Variants in GOLM2 observed in about 807,000 individuals in gnomAD.
The protein encoded by GOLM2 is golgi membrane protein 2.
GOLM2 carries 26 observed loss-of-function variants against 55.9 expected under a neutral mutation model. The ratio of observed to expected loss-of-function variants is 0.47; its 90% confidence interval spans 0.34 to 0.65. The LOEUF is 0.65. GOLM2 is among the 30% of genes least tolerant of loss of function. The probability of loss-of-function intolerance (pLI) is 0.01; values close to 1 mark genes in which losing one functional copy is unlikely to be tolerated. For synonymous variants in GOLM2, 165 were observed against 194.6 expected, an observed-to-expected ratio of 0.85 and a Z score of 1.27; for missense variants, 486 against 531.8, an observed-to-expected ratio of 0.91 and a Z score of 0.85.
At chr15:44,307,813 A>G (rs1394859435) in intron 1 of GOLM2, 3 of 152,208 alleles carry the variant, frequency 2.0e-5, no homozygotes, top group African/African-American at 7.2e-5. Context: ...GAGCGAAATA[A>G]TTCACTGAAA....
chr15:44,361,619 A>T (rs1006040901), intron 6 of GOLM2, among the ~76,000 whole-genome samples: 1 of 152,148 alleles, frequency 6.6e-6, no homozygotes, highest in Admixed American at 6.5e-5. Flanking sequence ...CCAGAGGTAC[A>T]AGGAGGAACT....
In GOLM2 at chr15:44,289,779, C is replaced by T. The variant is rs897815878; in HGVS notation, c.327+423C>T. 6.6e-6 allele frequency among the ~76,000 whole-genome samples: 1 copy of T among 152,188 alleles called. No homozygotes were observed. The highest frequency in any genetic ancestry group is 1.5e-5 in the Non-Finnish European group (1 of 68,032). The stretch of plus-strand genomic sequence containing the variant: ...TTTCGTTATTTAAAGAACGAAGCCG[C>T]CTCTGACTCCTCTACTTATGGTAGT... On this transcript the variant is annotated intron_variant, in intron 1 of 9. Transcript: ENST00000299957. This position sits in a 1 kb window ranked among gnomAD's most constrained non-coding sequence, Gnocchi z 4.8.
At chr15:44,316,239 G>A (rs1255682651) in intron 1 of GOLM2, among the ~76,000 whole-genome samples, 1 of 152,156 alleles carries the variant, frequency 6.6e-6, no homozygotes, top group Non-Finnish European at 1.5e-5. Flanking sequence ...AATTAAAACT[G>A]TGAGGAGAGA....
intron 9 of GOLM2, among the ~76,000 whole-genome samples, chr15:44,408,760 C>T (rs932759836): frequency 6.6e-6 from 1 of 152,078 alleles, no homozygotes; most frequent in Non-Finnish European, 1.5e-5. Context: ...GGGCAGATCA[C>T]ACCCTCCTGG....
Position 44,363,060 on chromosome 15 carries a change from T to G in GOLM2, c.803-16630T>G, listed in dbSNP as rs866578871. Among the ~76,000 whole-genome samples, 677 of 152,286 alleles carry G rather than the reference T, an allele frequency of 4.4e-3. 4 individuals carry two copies. Among genetic ancestry groups the G allele is most frequent in the African/African-American group, 0.016 (646 of 41,562 alleles). ...AATCAATTCAAGATGGATTAAAGAC[T>G]TAAACGTTAGACCTAAAACCATAAA... On this transcript the variant is annotated intron_variant, in intron 6 of 9. Transcript: ENST00000299957.
intron 6 of GOLM2, among the ~76,000 whole-genome samples, chr15:44,371,351 T>C (rs1032625906): frequency 1.3e-5 from 2 of 152,214 alleles, no homozygotes; most frequent in Non-Finnish European, 2.9e-5. Flanking sequence ...AGTATGTCAT[T>C]GCTAGCAGTG....
intron 6 of GOLM2, among the ~76,000 whole-genome samples, chr15:44,349,224 A>T (rs1346484419): frequency 6.6e-6 from 1 of 150,888 alleles, no homozygotes; most frequent in Non-Finnish European, 1.5e-5. Context: ...GCGCCATTGC[A>T]CTACAGCCTG....
chr15:44,380,044 C>CT (rs746071350), intron 7 of GOLM2, among the ~76,000 whole-genome samples: 37 of 152,132 alleles, frequency 2.4e-4, no homozygotes, highest in Non-Finnish European at 4.7e-4. Context: ...ATTCCCTTTC[C>CT]TCTCTGCCTG....
intron 8 of GOLM2, among the ~76,000 whole-genome samples, chr15:44,382,668 T>A (rs980082820): frequency 1.3e-5 from 2 of 152,164 alleles, no homozygotes; most frequent in South Asian, 2.1e-4. Context: ...TACATTTTTT[T>A]AATTGTTGCC....
At chr15:44,324,697 G>GT (rs1190369603) in intron 2 of GOLM2, among the ~76,000 whole-genome samples, 1 of 151,516 alleles carries the variant, frequency 6.6e-6, no homozygotes, top group Non-Finnish European at 1.5e-5. Context: ...AGCTTACCTT[G>GT]TTTTTATGCC....
chr15:44,371,810 C>T (rs2079331062), intron 6 of GOLM2, among the ~76,000 whole-genome samples: 1 of 152,108 alleles, frequency 6.6e-6, no homozygotes, highest in Non-Finnish European at 1.5e-5. Flanking sequence ...ATTAGTTTTA[C>T]ATGTAAATTG....
intron 6 of GOLM2, among the ~76,000 whole-genome samples, chr15:44,367,789 CAA>C (rs751290157): frequency 3.1e-4 from 37 of 120,340 alleles, no homozygotes; most frequent in Admixed American, 3.6e-4. Context: ...GACTCTGTCT[CAA>C]AAAAAAAAAA....
intron 8 of GOLM2, among the ~76,000 whole-genome samples, chr15:44,395,818 G>A (rs953512392): frequency 1.1e-4 from 16 of 151,390 alleles, no homozygotes; most frequent in Non-Finnish European, 4.4e-5. Context: ...CCAGCCTGGC[G>A]ATAGAACAAG....
intron 6 of GOLM2, among the ~76,000 whole-genome samples, chr15:44,362,954 A>G (rs2079252625): frequency 6.6e-6 from 1 of 152,216 alleles, no homozygotes; most frequent in Admixed American, 6.5e-5. Context: ...AGGATTCCCT[A>G]TTTAATAAAT....
In GOLM2 at chr15:44,338,236, G is replaced by A. The variant is rs950582303; in HGVS notation, c.722-1G>A. 6.2e-7 allele frequency: 1 copy of A among 1,612,266 alleles called. No homozygotes were observed. Among genetic ancestry groups the A allele is most frequent in the Admixed American group, 1.7e-5 (1 of 59,636 alleles). ...ATTCTATCTTTTTGTTACTTGGGCA[G>A]AACAAATCAAAAGAGGTGGTGATGC... On this transcript the variant is annotated splice_acceptor_variant, in intron 5 of 9. Coordinates refer to ENST00000299957, the MANE Select transcript of GOLM2 (RefSeq NM_138423.4). LOFTEE classifies it high-confidence loss of function.
chr15:44,291,525 T>C (rs922641067), intron 1 of GOLM2, among the ~76,000 whole-genome samples: 13 of 152,230 alleles, frequency 8.5e-5, no homozygotes, highest in Non-Finnish European at 1.6e-4. Context: ...TTTGAAACTA[T>C]TCTCTTGAAG....
chr15:44,295,663 C>A lies in GOLM2; in HGVS notation c.327+6307C>A, dbSNP rs1265907510. Among the ~76,000 whole-genome samples, 4 of 152,150 alleles carry A rather than the reference C, an allele frequency of 2.6e-5. No homozygotes were observed. The South Asian group carries it at 8.3e-4, about 32-fold the overall frequency. ...GGTTGTTTTTCTCTGAACTTCTCTC[C>A]TTGGCTTGCAGATGGCAACCTTCTT... On this transcript the variant is annotated intron_variant, in intron 1 of 9. Transcript: ENST00000299957.
At chr15:44,345,730 T>C (rs1005245251) in intron 6 of GOLM2, 1 of 152,178 alleles carries the variant, frequency 6.6e-6, no homozygotes, top group Non-Finnish European at 1.5e-5. Flanking sequence ...ACTGACTTAC[T>C]TTGGGGGAAA....
intron 3 of GOLM2, 45 bp downstream of exon 3, chr15:44,328,832 G>A (rs758253726): frequency 7.6e-7 from 1 of 1,308,628 alleles, no homozygotes; most frequent in South Asian, 1.6e-5. Context: ...TAAAATATTT[G>A]TCCAGCTTTT....
Sources: allele counts gnomAD v4.1 joint callset (sites outside exome capture counted in the v4.1 genomes callset), GRCh38; gene constraint gnomAD v4.1.1; non-coding constraint Gnocchi (gnomAD v3.1); transcripts MANE v1.5; gene names NCBI Gene and HGNC (gene_info 2026-07-23, HGNC 2026-07-21).